Variants in TCFL5 observed in about 807,000 individuals in gnomAD.
TCFL5 encodes the protein transcription factor-like 5 protein.
In TCFL5, 9 loss-of-function variants were observed where a neutral mutation model predicts 44.3. The observed-to-expected ratio is 0.20, with a 90% CI of 0.12 to 0.35. TCFL5 has a LOEUF of 0.35. TCFL5 is among the 10% of genes least tolerant of loss of function. TCFL5 has a pLI of 1.00. For synonymous variants in TCFL5, 319 were observed against 271.6 expected, an observed-to-expected ratio of 1.17 and a Z score of -1.72; for missense variants, 603 against 613.4, an observed-to-expected ratio of 0.98 and a Z score of 0.18.
Position 62,845,595 on chromosome 20 carries a change from G to C in TCFL5, c.1381-3498C>G, listed in dbSNP as rs2063731463. ...AAAGTCAGAGCCTGGGCCGGCTCCG[G>C]AGAAGTTAGACCCTCGGAGCTGGTC... On this transcript the variant is annotated intron_variant, in intron 5 of 5. Coordinates refer to ENST00000335351, the MANE Select transcript of TCFL5 (RefSeq NM_006602.4). The C allele has an allele frequency of 1.9e-6, 3 of 1,560,036 alleles. No homozygotes were observed. The African/African-American group carries it at 4.1e-5, about 21-fold the overall frequency.
intron 5 of TCFL5, among the ~76,000 whole-genome samples, chr20:62,844,559 CTGTTTTTTTTT>C (rs1568774043): frequency 7.6e-6 from 1 of 131,918 alleles, no homozygotes; most frequent in Non-Finnish European, 1.6e-5. Flanking sequence ...CATTTTTTTT[CTGTTTTTTTTT>C]GTTTGTTTTT....
intron 5 of TCFL5, among the ~76,000 whole-genome samples, chr20:62,847,748 G>A (rs948148989): frequency 1.6e-4 from 25 of 152,346 alleles, no homozygotes; most frequent in Admixed American, 1.4e-3. Flanking sequence ...GGTGGCTCAC[G>A]TTGGTAATCC....
At chr20:62,859,591 A>G in intron 2 of TCFL5, 65 bp from the exon 3 acceptor site, 1 of 1,447,684 alleles carries the variant, frequency 6.9e-7, no homozygotes, top group Non-Finnish European at 9.4e-7. Flanking sequence ...TTACTGCACA[A>G]ATGAAATGCA....
intron 2 of TCFL5, among the ~76,000 whole-genome samples, 193 bp from the exon 3 acceptor site, chr20:62,859,719 G>GT (rs68160695): frequency 1.3e-5 from 2 of 149,606 alleles, no homozygotes; most frequent in Non-Finnish European, 1.5e-5. Flanking sequence ...TTTTGTTTTT[G>GT]TTTTTTTGTT....
At chr20:62,849,668 T>TA (rs1229308575) in intron 5 of TCFL5, among the ~76,000 whole-genome samples, 2 of 151,734 alleles carry the variant, frequency 1.3e-5, no homozygotes, top group Non-Finnish European at 2.9e-5. Flanking sequence ...CTACAAAAAT[T>TA]AAAAAACTAG....
At chr20:62,845,907 T>C (rs775251737) in intron 5 of TCFL5, 1 of 1,527,060 alleles carries the variant, frequency 6.5e-7, no homozygotes, top group Non-Finnish European at 8.9e-7. Context: ...ATGAGTTAAA[T>C]GCTAAGGAAG....
Position 62,844,703 on chromosome 20 carries a change from T to C in TCFL5, c.1381-2606A>G, listed in dbSNP as rs940671342. ...TCTGCCTCCTGGGGTTCAAGCAATT[T>C]TCCTGCCTCAGCCTCCTGAATAGCT... On this transcript the variant is annotated intron_variant, in intron 5 of 5. Coordinates refer to ENST00000335351, the MANE Select transcript of TCFL5 (RefSeq NM_006602.4). 2.0e-5 allele frequency: 4 copies of C among 196,160 alleles called. 1 individual carries two copies. Among genetic ancestry groups the C allele is most frequent in the Middle Eastern group, 2.5e-3 (1 of 400 alleles). The allele number at this position is 196,160 out of a possible 1,614,324, so 12.2% of individuals were successfully genotyped here.
intron 5 of TCFL5, among the ~76,000 whole-genome samples, chr20:62,848,274 CA>C (rs1338627680): frequency 6.6e-6 from 1 of 152,248 alleles, no homozygotes; most frequent in Admixed American, 6.5e-5. Flanking sequence ...CTGGCACCTT[CA>C]GGGCCCCCAG....
At chr20:62,843,480 GAGTT>G (rs139452460) in intron 5 of TCFL5, among the ~76,000 whole-genome samples, 5,292 of 152,248 alleles carry the variant, frequency 0.035, 276 homozygotes, top group African/African-American at 0.12. Context: ...GCCTGAAACT[GAGTT>G]AGAGGGACCT....
At chr20:62,852,874 G>T in intron 5 of TCFL5, 1 of 1,289,608 alleles carries the variant, frequency 7.8e-7, no homozygotes, top group Non-Finnish European at 1.0e-6. Context: ...GTCCATGGAA[G>T]TATAGTCACC....
chr20:62,855,588 G>C (rs1420324700), intron 4 of TCFL5, among the ~76,000 whole-genome samples: 1 of 152,148 alleles, frequency 6.6e-6, no homozygotes, highest in African/African-American at 2.4e-5. Context: ...CCAACATGGA[G>C]AAACCCCTCC....
chr20:62,844,537 C>A (rs2063715090), intron 5 of TCFL5, among the ~76,000 whole-genome samples: 1 of 151,884 alleles, frequency 6.6e-6, no homozygotes, highest in Non-Finnish European at 1.5e-5. Context: ...CACCATCACG[C>A]CTGGCTTTCA....
intron 5 of TCFL5, among the ~76,000 whole-genome samples, chr20:62,850,463 C>A (rs6122079): frequency 6.6e-6 from 1 of 152,086 alleles, no homozygotes; most frequent in Non-Finnish European, 1.5e-5. Flanking sequence ...ACCCTGACGC[C>A]TTTTTCCCAT....
intron 5 of TCFL5, among the ~76,000 whole-genome samples, chr20:62,848,072 G>A (rs1404477395): frequency 3.3e-5 from 5 of 152,380 alleles, no homozygotes; most frequent in South Asian, 2.1e-4. Context: ...AAGTCACAGC[G>A]TGTCCGCAGG....
chr20:62,845,331 C>T (rs897827440), intron 5 of TCFL5: 2 of 1,021,116 alleles, frequency 2.0e-6, no homozygotes, highest in Non-Finnish European at 2.5e-6. Context: ...CCGTATTGGC[C>T]AGGCTGGTCT....
rs147760113 is a variant in TCFL5 at position 62,845,584 on chromosome 20, G to T, written c.1381-3487C>A. 2,662 of 1,534,138 alleles carry T rather than the reference G, an allele frequency of 1.7e-3. 2 individuals are homozygous for T. The highest frequency in any genetic ancestry group is 2.0e-3 in the Non-Finnish European group (2,324 of 1,137,224). ...ACAATTAAATGAAAGTCAGAGCCTG[G>T]GCCGGCTCCGGAGAAGTTAGACCCT... On this transcript the variant is annotated intron_variant, in intron 5 of 5. Transcript: ENST00000335351.
chr20:62,857,078 G>T (rs2147283787), intron 4 of TCFL5, among the ~76,000 whole-genome samples: 1 of 152,290 alleles, frequency 6.6e-6, no homozygotes, highest in Non-Finnish European at 1.5e-5. Flanking sequence ...ACTCCACAGG[G>T]CGCGCTCTTA....
At chr20:62,851,122 A>G (rs1217471168) in intron 5 of TCFL5, among the ~76,000 whole-genome samples, 1 of 152,244 alleles carries the variant, frequency 6.6e-6, no homozygotes, top group African/African-American at 2.4e-5. Context: ...TACGTCTTCA[A>G]GGACAAAAAT....
intron 5 of TCFL5, chr20:62,851,450 T>C (rs1481379514): frequency 2.4e-6 from 2 of 847,154 alleles, no homozygotes; most frequent in African/African-American, 3.7e-5. Flanking sequence ...AGATCAATAA[T>C]GATTTACTAA....
Sources: gnomAD v4.1 joint callset for allele counts (sites outside exome capture counted in the v4.1 genomes callset) on GRCh38, gnomAD v4.1.1 for gene constraint, MANE v1.5 for transcripts, NCBI Gene and HGNC (gene_info 2026-07-23, HGNC 2026-07-21) for gene names.